The following LRTM2 variants were observed in gnomAD, a reference collection of about 807,000 sequenced individuals.
LRTM2 encodes leucine-rich repeat and transmembrane domain-containing protein 2.
A neutral mutation model predicts 28.1 loss-of-function variants in LRTM2; 18 were observed. That is an observed-to-expected ratio of 0.64 (90% CI 0.44 to 0.95). The LOEUF (loss-of-function observed/expected upper bound fraction) is 0.95, where lower values mean the gene tolerates loss of function less well. LRTM2 is among the 40% of genes least tolerant of loss of function. LRTM2 has a pLI of 0.00. For synonymous variants in LRTM2, 250 were observed against 218.7 expected (o/e 1.14, Z -1.26); for missense variants, 436 against 497.2 (o/e 0.88, Z 1.17).
At position 1,831,505 on chromosome 12, in the gene LRTM2, T is replaced by C. The variant is rs1314727102; in HGVS notation, c.638T>C (p.Met213Thr). 3 of 1,613,416 alleles carry C rather than the reference T, an allele frequency of 1.9e-6. No homozygotes were observed. The highest frequency in any genetic ancestry group is 2.5e-6 in the Non-Finnish European group (3 of 1,179,866). Reference sequence around the variant, plus strand: ...AACCTGCGTGAGTTCAAACACTGGATGGAGTGGTTCTCCTACCGAGGTGAG... The same window carrying C: ...AACCTGCGTGAGTTCAAACACTGGACGGAGTGGTTCTCCTACCGAGGTGAG... Reference protein sequence around the residue: ...DCNLREFKHWMEWFSYRGGRL... With the variant: ...DCNLREFKHWTEWFSYRGGRL... Residue 213 changes from methionine to threonine, a missense_variant, in exon 4 of 5, where the codon ATG (methionine) becomes ACG (threonine). Met to Thr is a moderately conservative substitution (Grantham distance 81). Transcript: ENST00000299194.
At chr12:1,830,597 G>C (rs1377886291) in intron 3 of LRTM2, among the ~76,000 whole-genome samples, 1 of 152,164 alleles carries the variant, frequency 6.6e-6, no homozygotes, top group Non-Finnish European at 1.5e-5. Context: ...AGATGACTGT[G>C]GGAGGCCCTG....
chr12:1,824,395 C>T lies in LRTM2; in HGVS notation c.-258-3015C>T, dbSNP rs11061989. 3.4e-3 allele frequency among the ~76,000 whole-genome samples: 515 copies of T among 152,296 alleles called. 3 individuals are homozygous for T. The highest frequency in any genetic ancestry group is 0.011 in the African/African-American group (476 of 41,546). ...ACTTTGAGTTGCAATGGTCTACACT[C>T]AAAGCCCCATGTTTCTGGCCCTCCA... is the stretch of plus-strand genomic sequence containing the variant. On this transcript the variant is annotated intron_variant, in intron 1 of 4. Coordinates refer to ENST00000299194, the MANE Select transcript of LRTM2 (RefSeq NM_001039029.3).
chr12:1,831,920 G>A (rs1864653648), intron 4 of LRTM2, among the ~76,000 whole-genome samples: 1 of 152,176 alleles, frequency 6.6e-6, no homozygotes, highest in Admixed American at 6.5e-5. Flanking sequence ...GGTAGAAGGA[G>A]GGAGAAAAAC....
Position 1,829,197 on chromosome 12 carries a change from C to T in LRTM2, c.67+982C>T, listed in dbSNP as rs987454591. 1.3e-5 allele frequency among the ~76,000 whole-genome samples: 2 copies of T among 152,176 alleles called. No homozygotes were observed. Among genetic ancestry groups the T allele is most frequent in the Admixed American group, 6.5e-5 (1 of 15,288 alleles). On this transcript the variant is annotated intron_variant, in intron 3 of 4. Coordinates refer to ENST00000299194, the MANE Select transcript of LRTM2 (RefSeq NM_001039029.3). The surrounding 1 kb of genome is among the most constrained non-coding windows in gnomAD (Gnocchi z 4.2). ...GGCGCAGGGAGTCGCTCTTCCGCAG[C>T]GGCTCTCTTAGCCTGCTGTCAGGCC...
chr12:1,830,811 A>G lies in LRTM2; in HGVS notation c.68-124A>G, dbSNP rs528886680. ...GTGGTTAATAAACGTTTATGCATTG[A>G]TTGTGGCTTGTGCCAAAGGAGATAA... On this transcript the variant is annotated intron_variant, in intron 3 of 4. Coordinates refer to ENST00000299194, the MANE Select transcript of LRTM2 (RefSeq NM_001039029.3). 7 of 767,210 alleles carry G rather than the reference A, an allele frequency of 9.1e-6. No homozygotes were observed. The East Asian group carries it at 1.1e-4, about 12-fold the overall frequency. The allele number at this position is 767,210 out of a possible 1,614,324, so 47.5% of individuals were successfully genotyped here.
chr12:1,828,136 C>G lies in LRTM2; in HGVS notation c.-13C>G. On this transcript the variant is annotated 5_prime_UTR_variant, in exon 3 of 5. Coordinates refer to ENST00000299194, the MANE Select transcript of LRTM2 (RefSeq NM_001039029.3). The surrounding 1 kb of genome is among the most constrained non-coding windows in gnomAD (Gnocchi z 4.2). ...CCCAGAGCGACAGGGCCCGGAGAGC[C>G]GTGGGCCTCACCATGCTGGCGCCGG... is the stretch of plus-strand genomic sequence containing the variant. The G allele has an allele frequency of 6.5e-7, 1 of 1,534,376 alleles. No homozygotes were observed. The highest frequency in any genetic ancestry group is 8.8e-7 in the Non-Finnish European group (1 of 1,139,206).
Position 1,828,083 on chromosome 12 carries a change from A to C in LRTM2, c.-66A>C. 7.0e-7 allele frequency: 1 copy of C among 1,420,326 alleles called. No individual in the cohort carries two copies. Among genetic ancestry groups the C allele is most frequent in the Non-Finnish European group, 9.3e-7 (1 of 1,071,906 alleles). 88.0% of individuals were successfully genotyped at this position (1,420,326 alleles called of 1,614,324 possible). The stretch of plus-strand genomic sequence containing the variant: ...TGCTCCTCCCTCCCTCAGGACTGAC[A>C]GGCGGCGCACCCAGGGGCTCCTCTC... On this transcript the variant is annotated 5_prime_UTR_variant, in exon 3 of 5. Transcript: ENST00000299194. This position sits in a 1 kb window ranked among gnomAD's most constrained non-coding sequence, Gnocchi z 4.2.
In LRTM2 at chr12:1,828,761, G is replaced by A. The variant is rs1289067396; in HGVS notation, c.67+546G>A. Among the ~76,000 whole-genome samples, 1 of 152,210 alleles carries A rather than the reference G, an allele frequency of 6.6e-6. No individual in the cohort carries two copies. The highest frequency in any genetic ancestry group is 2.4e-5 in the African/African-American group (1 of 41,442). ...GGATGCGGCGCTGGAAGAGACTTTG[G>A]GGAGTGGGTCCAACCCCTCCTGCAT... On this transcript the variant is annotated intron_variant, in intron 3 of 4. Coordinates refer to ENST00000299194, the MANE Select transcript of LRTM2 (RefSeq NM_001039029.3). This position sits in a 1 kb window ranked among gnomAD's most constrained non-coding sequence, Gnocchi z 4.2.
rs942596179 is a variant in LRTM2 at position 1,835,546 on chromosome 12, C to T, written c.*825C>T. The T allele has an allele frequency of 1.3e-5, 2 of 152,648 alleles. No homozygotes were observed. The highest frequency in any genetic ancestry group is 4.8e-5 in the African/African-American group (2 of 41,458). 9.5% of individuals were successfully genotyped at this position (152,648 alleles called of 1,614,324 possible). A position where few individuals can be genotyped will look rare whatever the true frequency, so the allele number is the denominator to read the frequency against. ...GACCACAGAGCCTCTCGCGTGCTCA[C>T]TGCAATCTTCTCAAGTCAACAGCAG... On this transcript the variant is annotated 3_prime_UTR_variant, in exon 5 of 5. Coordinates refer to ENST00000299194, the MANE Select transcript of LRTM2 (RefSeq NM_001039029.3).
chr12:1,822,430 C>T (rs1179225295), intron 1 of LRTM2, among the ~76,000 whole-genome samples: 1 of 152,086 alleles, frequency 6.6e-6, no homozygotes, highest in Non-Finnish European at 1.5e-5. Flanking sequence ...AGCCAAGCCT[C>T]CTGTGCCCTG....
rs745760527 is a variant in LRTM2 at position 1,830,899 on chromosome 12, A to G, written c.68-36A>G. 5.2e-6 allele frequency: 8 copies of G among 1,538,042 alleles called. No individual in the cohort carries two copies. The African/African-American group carries it at 5.4e-5, about 10-fold the overall frequency. The stretch of plus-strand genomic sequence containing the variant: ...GAAGCAGGAGGTGGTGACCCGTCCT[A>G]TTGCTTTCTTTCCCCCGTCTGTCCC... On this transcript the variant is annotated intron_variant, in intron 3 of 4. Transcript: ENST00000299194.
Position 1,836,068 on chromosome 12 carries a change from G to T in LRTM2, c.*1347G>T, listed in dbSNP as rs1343948873. ...GCGGGTGGCCACGTGCTGCCCAGAG[G>T]CTCCCAGGATGGGGCCTCTGTTCCC... On this transcript the variant is annotated 3_prime_UTR_variant, in exon 5 of 5. Transcript: ENST00000299194. The T allele has an allele frequency of 1.3e-5, 2 of 152,266 alleles. No homozygotes were observed. The highest frequency in any genetic ancestry group is 3.9e-4 in the East Asian group (2 of 5,188). The allele number at this position is 152,266 out of a possible 1,614,324, so 9.4% of individuals were successfully genotyped here.
chr12:1,834,207 G>T lies in LRTM2; in HGVS notation c.659-60G>T. 2 of 1,507,430 alleles carry T rather than the reference G, an allele frequency of 1.3e-6. No individual in the cohort carries two copies. Among genetic ancestry groups the T allele is most frequent in the Non-Finnish European group, 1.8e-6 (2 of 1,128,108 alleles). The allele number at this position is 1,507,430 out of a possible 1,614,324, so 93.4% of individuals were successfully genotyped here. A position where few individuals can be genotyped will look rare whatever the true frequency, so the allele number is the denominator to read the frequency against. On this transcript the variant is annotated intron_variant, in intron 4 of 4. Coordinates refer to ENST00000299194, the MANE Select transcript of LRTM2 (RefSeq NM_001039029.3). The surrounding 1 kb of genome is among the most constrained non-coding windows in gnomAD (Gnocchi z 7.6). ...TTCCGTTTTGGGGAGCTGGGGATGG[G>T]GAGAGGGAGTGCAAGTTCTAGATGC...
At position 1,829,320 on chromosome 12, in the gene LRTM2, AGAATGCT is replaced by A. The variant is rs1229522830; in HGVS notation, c.67+1108_67+1114del. Among the ~76,000 whole-genome samples, 1 of 152,130 alleles carries A rather than the reference AGAATGCT, an allele frequency of 6.6e-6. No homozygotes were observed. Among genetic ancestry groups the A allele is most frequent in the East Asian group, 1.9e-4 (1 of 5,170 alleles). On this transcript the variant is annotated intron_variant, in intron 3 of 4. Transcript: ENST00000299194. This position sits in a 1 kb window ranked among gnomAD's most constrained non-coding sequence, Gnocchi z 4.2. The stretch of plus-strand genomic sequence containing the variant: ...ATTTCCTGGGGAAAGTCAAGTCTGA[AGAATGCT>A]GATTTTCAAATGGCTTGGGGTGGTG...
At position 1,827,631 on chromosome 12, in the gene LRTM2, G is replaced by A. The variant is rs553035090; in HGVS notation, c.-74+37G>A. On this transcript the variant is annotated intron_variant, in intron 2 of 4. Coordinates refer to ENST00000299194, the MANE Select transcript of LRTM2 (RefSeq NM_001039029.3). ...CGGGGCTAGAGGAACCGGGACCCAG[G>A]TGAGGGGAGCCTCCAGGGACAGGTG... 5.1e-4 allele frequency: 79 copies of A among 153,430 alleles called. 1 individual carries two copies. Among genetic ancestry groups the A allele is most frequent in the African/African-American group, 1.7e-3 (71 of 41,618 alleles). 9.5% of individuals were successfully genotyped at this position (153,430 alleles called of 1,614,324 possible).
chr12:1,826,854 G>A (rs1864352848), intron 1 of LRTM2, among the ~76,000 whole-genome samples: 1 of 152,224 alleles, frequency 6.6e-6, no homozygotes, highest in African/African-American at 2.4e-5. Context: ...GGGGAAACCT[G>A]CACAGACAGG....
intron 1 of LRTM2, among the ~76,000 whole-genome samples, chr12:1,826,505 C>T (rs986811078): frequency 1.3e-5 from 2 of 152,016 alleles, no homozygotes; most frequent in South Asian, 4.1e-4. Flanking sequence ...GCTCCTCCAC[C>T]CCTCATGCCA....
rs1592686324 is a variant in LRTM2 at position 1,828,322 on chromosome 12, G to A, written c.67+107G>A. On this transcript the variant is annotated intron_variant, in intron 3 of 4. Coordinates refer to ENST00000299194, the MANE Select transcript of LRTM2 (RefSeq NM_001039029.3). The surrounding 1 kb of genome is among the most constrained non-coding windows in gnomAD (Gnocchi z 4.2). ...TTAGCCACACTCAGGCTGCAGGGAG[G>A]CCTACGCCAGATCTTCCTGGGGTAC... The A allele has an allele frequency of 3.0e-6, 3 of 1,000,224 alleles. No individual in the cohort carries two copies. The highest frequency in any genetic ancestry group is 6.0e-5 in the East Asian group (2 of 33,416). The allele number at this position is 1,000,224 out of a possible 1,614,324, so 62.0% of individuals were successfully genotyped here. A position where few individuals can be genotyped will look rare whatever the true frequency, so the allele number is the denominator to read the frequency against.
intron 4 of LRTM2, among the ~76,000 whole-genome samples, chr12:1,832,183 G>A (rs376892738): frequency 1.5e-4 from 23 of 152,212 alleles, no homozygotes; most frequent in African/African-American, 5.1e-4. Flanking sequence ...AGGAGGGTGC[G>A]CAAGATGGTG....
Sources: gnomAD v4.1 joint callset for allele counts (sites outside exome capture counted in the v4.1 genomes callset) on GRCh38, gnomAD v4.1.1 for gene constraint, Gnocchi (gnomAD v3.1) non-coding constraint, MANE v1.5 for transcripts, NCBI Gene and HGNC (gene_info 2026-07-23, HGNC 2026-07-21) for gene names.